FRYL: variants seen among roughly 807,000 people sequenced by gnomAD.
The protein encoded by FRYL is protein furry homolog-like.
Under a neutral mutation model 351.2 loss-of-function variants are expected in FRYL, and 150 were observed. The observed-to-expected ratio is 0.43, with a 90% CI of 0.37 to 0.49. FRYL has a LOEUF of 0.49. Among genes scored for constraint, FRYL ranks in the 20% least tolerant of loss-of-function variants. The pLI, the probability that FRYL is intolerant of heterozygous loss-of-function variation, is 0.00. For synonymous variants in FRYL, 1,153 were observed against 1,257.1 expected, an observed-to-expected ratio of 0.92 and a Z score of 1.75; for missense variants, 3,036 against 3,619.3, an observed-to-expected ratio of 0.84 and a Z score of 4.13.
intron 3 of FRYL, among the ~76,000 whole-genome samples, chr4:48,668,177 C>T (rs775761577): frequency 3.3e-5 from 5 of 152,138 alleles, no homozygotes; most frequent in South Asian, 2.1e-4. Context: ...TAAGTACCTG[C>T]GACAAAGACC....
intron 3 of FRYL, among the ~76,000 whole-genome samples, chr4:48,646,581 T>C (rs1460720322): frequency 6.6e-6 from 1 of 152,164 alleles, no homozygotes; most frequent in Non-Finnish European, 1.5e-5. Flanking sequence ...ACTTGTCTTA[T>C]CAATGTGACA....
intron 3 of FRYL, among the ~76,000 whole-genome samples, chr4:48,674,736 CA>C (rs58696045): frequency 4.1e-4 from 23 of 55,786 alleles, no homozygotes; most frequent in South Asian, 1.2e-3. Flanking sequence ...GACTCTGTCT[CA>C]AAAAAAAAAA....
rs566738878 is a variant in FRYL, at chr4:48,768,976, A to G, written c.-384+11102T>C. 2.6e-5 allele frequency among the ~76,000 whole-genome samples: 4 copies of G among 152,204 alleles called. No homozygotes were observed. The South Asian group carries it at 8.3e-4, about 32-fold the overall frequency. Reference sequence around the variant, plus strand: ...CGACGCCCTGTCTTTACCAAAAACAAAAACAAAATTAGCTGGGCATGGTGG... The same window carrying G: ...CGACGCCCTGTCTTTACCAAAAACAGAAACAAAATTAGCTGGGCATGGTGG... On this transcript the variant is annotated intron_variant, in intron 1 of 63. Coordinates refer to ENST00000358350, the MANE Select transcript of FRYL (RefSeq NM_015030.2).
chr4:48,662,471 T>C (rs1159938652), intron 3 of FRYL, among the ~76,000 whole-genome samples: 2 of 151,858 alleles, frequency 1.3e-5, no homozygotes, highest in African/African-American at 4.8e-5. Context: ...GAAAATAAAA[T>C]ATTATTCGAA....
intron 2 of FRYL, among the ~76,000 whole-genome samples, chr4:48,691,202 G>A (rs1765645192): frequency 6.6e-6 from 1 of 152,106 alleles, no homozygotes; most frequent in Non-Finnish European, 1.5e-5. Context: ...TATGATCTTT[G>A]ACCCAGTAAC....
intron 6 of FRYL, 73 bp downstream of exon 6, chr4:48,620,566 T>A (rs1389807829): frequency 4.1e-6 from 6 of 1,447,094 alleles, no homozygotes; most frequent in Non-Finnish European, 5.7e-6. Context: ...ATAACAACCT[T>A]CAGTTGATAA....
chr4:48,657,949 T>G (rs930288095), intron 3 of FRYL, among the ~76,000 whole-genome samples: 2 of 152,238 alleles, frequency 1.3e-5, no homozygotes, highest in South Asian at 2.1e-4. Context: ...CACTTAACTC[T>G]ATGCCCATTT....
intron 50 of FRYL, among the ~76,000 whole-genome samples, chr4:48,529,657 A>G (rs1305599750): frequency 2.0e-5 from 3 of 152,218 alleles, no homozygotes; most frequent in African/African-American, 7.2e-5. Flanking sequence ...ATATAATTCT[A>G]ATCAACAAAA....
At chr4:48,546,980 A>G (rs1292499271) in intron 41 of FRYL, among the ~76,000 whole-genome samples, 3 of 210 alleles carry the variant, frequency 0.014, no homozygotes, top group Admixed American at 0.1. Context: ...TATGATTAGA[A>G]AAAAAAAAGG....
intron 3 of FRYL, chr4:48,638,056 C>T (rs1024222212): frequency 6.6e-6 from 1 of 151,866 alleles, no homozygotes; most frequent in African/African-American, 2.4e-5. Context: ...TTTCAAAATC[C>T]CTACAGGTAG....
intron 35 of FRYL, 23 bp downstream of exon 35, chr4:48,556,955 A>G: frequency 6.6e-7 from 1 of 1,521,910 alleles, no homozygotes; most frequent in African/African-American, 1.4e-5. Flanking sequence ...ATATTTTAAA[A>G]TTAAATGAAC....
In FRYL at chr4:48,590,943, T is replaced by C. The variant is rs950077245; in HGVS notation, c.1336-113A>G. 77 of 715,704 alleles carry C rather than the reference T, an allele frequency of 1.1e-4. 1 individual carries two copies. In the Admixed American group the frequency reaches 1.2e-3, roughly 11 times the overall value. 44.3% of individuals were successfully genotyped at this position (715,704 alleles called of 1,614,324 possible). A position where few individuals can be genotyped will look rare whatever the true frequency, so the allele number is the denominator to read the frequency against. On this transcript the variant is annotated intron_variant, in intron 16 of 63. Coordinates refer to ENST00000358350, the MANE Select transcript of FRYL (RefSeq NM_015030.2). ...AGTTGGGGGGTGGAAGGAAGGAAGA[T>C]AGAAGGAACACTAACCTTTCTGTCC...
chr4:48,516,951 AGT>A (rs1723759442), intron 55 of FRYL, among the ~76,000 whole-genome samples: 2 of 152,186 alleles, frequency 1.3e-5, no homozygotes, highest in African/African-American at 4.8e-5. Flanking sequence ...TTGCAGGGAA[AGT>A]GATTAGAAGA....
chr4:48,678,920 G>A (rs1430302758), intron 3 of FRYL, among the ~76,000 whole-genome samples: 2 of 151,966 alleles, frequency 1.3e-5, no homozygotes, highest in African/African-American at 4.8e-5. Flanking sequence ...TAACATGTGT[G>A]CTGTATTTAA....
At position 48,561,539 on chromosome 4, in the gene FRYL, G is replaced by C; in HGVS notation, c.3794C>G (p.Ser1265Cys). 6.2e-7 allele frequency: 1 copy of C among 1,612,644 alleles called. No individual in the cohort carries two copies. Among genetic ancestry groups the C allele is most frequent in the South Asian group, 1.1e-5 (1 of 90,912 alleles). The change falls in exon 33 of 64, where the codon TCT becomes TGT. Residue 1265 changes from serine to cysteine, a missense_variant. Physicochemically the swap from Ser to Cys is moderately radical, Grantham distance 112. This residue lies in a region of FRYL where 1,987 missense variants were observed against 2,311.7 expected (regional missense o/e 0.86). Transcript: ENST00000358350. ...SQLSPLPHLYSVSYYQLSEEL... is the reference protein window; with the variant it reads ...SQLSPLPHLYCVSYYQLSEEL... ...CTCGGACAACTGATAATATGAAACAGAATAGAGATGTGGTAGAGGAGACAG... is the reference window on the plus strand; with the variant it reads ...CTCGGACAACTGATAATATGAAACACAATAGAGATGTGGTAGAGGAGACAG...
At chr4:48,636,712 T>C (rs1754302670) in intron 3 of FRYL, 1 of 152,044 alleles carries the variant, frequency 6.6e-6, no homozygotes, top group South Asian at 2.1e-4. Flanking sequence ...ATATTTTGTT[T>C]GATAACTCAA....
chr4:48,778,045 A>C (rs2109447919), intron 1 of FRYL, among the ~76,000 whole-genome samples: 1 of 152,246 alleles, frequency 6.6e-6, no homozygotes, highest in East Asian at 1.9e-4. Flanking sequence ...AAAAATAAAA[A>C]TTTTAGCTAG....
chr4:48,552,244 G>GGTGTGTGTGTGTGTGTGT lies in FRYL; in HGVS notation c.4436-684_4436-667dup, dbSNP rs67155390. On this transcript the variant is annotated intron_variant, in intron 36 of 63. Coordinates refer to ENST00000358350, the MANE Select transcript of FRYL (RefSeq NM_015030.2). ...TGTATAAATATAAACAGTCCAAAGGGGTGTGTGTGTGTGTGTGTGTGTGTG... is the reference window on the plus strand; with the variant it reads ...TGTATAAATATAAACAGTCCAAAGGGGTGTGTGTGTGTGTGTGTGTGTGTGTGTGTGTGTGTGTGTGTG... 9.7e-4 allele frequency among the ~76,000 whole-genome samples: 141 copies of GGTGTGTGTGTGTGTGTGT among 145,344 alleles called. 1 individual carries two copies. The highest frequency in any genetic ancestry group is 2.7e-3 in the African/African-American group (105 of 38,774).
intron 13 of FRYL, 103 bp from the exon 14 acceptor site, chr4:48,596,103 A>G: frequency 1.4e-6 from 1 of 735,618 alleles, no homozygotes; most frequent in Non-Finnish European, 2.3e-6. Context: ...TTTTGTATTC[A>G]GTCTAAAATA....
Sources: gnomAD v4.1 joint callset for allele counts (sites outside exome capture counted in the v4.1 genomes callset) on GRCh38, gnomAD v4.1.1 for gene constraint, gnomAD v4.1.1 regional missense constraint, MANE v1.5 for transcripts, NCBI Gene and HGNC (gene_info 2026-07-23, HGNC 2026-07-21) for gene names.